NAV2: variants seen among roughly 807,000 people sequenced by gnomAD.
The protein encoded by NAV2 is neuron navigator 2, also known as helicase, APC down-regulated 1.
In NAV2, 54 loss-of-function variants were observed where a neutral mutation model predicts 223.2. The ratio of observed to expected loss-of-function variants is 0.24; its 90% CI spans 0.19 to 0.30. NAV2 has a LOEUF of 0.30. Among genes scored for constraint, NAV2 ranks in the 10% least tolerant of loss-of-function variants. The pLI, the probability that NAV2 is intolerant of heterozygous loss-of-function variation, is 1.00. For synonymous variants in NAV2, 1,279 were observed against 1,239.3 expected, an observed-to-expected ratio of 1.03 and a Z score of -0.67; for missense variants, 2,806 against 3,147.5, an observed-to-expected ratio of 0.89 and a Z score of 2.60.
At chr11:19,548,221 G>A (rs1310333868) in intron 1 of NAV2, among the ~76,000 whole-genome samples, 1 of 152,122 alleles carries the variant, frequency 6.6e-6, no homozygotes, top group African/African-American at 2.4e-5. Flanking sequence ...TTAAAGAAAG[G>A]GCATAACAAT....
At chr11:19,872,596 A>T (rs1003125165) in intron 4 of NAV2, among the ~76,000 whole-genome samples, 2 of 152,270 alleles carry the variant, frequency 1.3e-5, no homozygotes, top group African/African-American at 4.8e-5. Flanking sequence ...TGATGAAGAA[A>T]ACATCAGCAG....
At chr11:19,656,461 G>C (rs568276777) in intron 1 of NAV2, among the ~76,000 whole-genome samples, 65 of 152,210 alleles carry the variant, frequency 4.3e-4, no homozygotes, top group African/African-American at 1.5e-3. Context: ...CGTGAGTGAG[G>C]GGGGAGAGGC....
At chr11:20,053,218 G>GAAAAAAAAAAA (rs60421659) in intron 17 of NAV2, among the ~76,000 whole-genome samples, 1 of 40,974 alleles carries the variant, frequency 2.4e-5, no homozygotes, top group Non-Finnish European at 4.1e-5. Context: ...ACTACGTCTC[G>GAAAAAAAAAAA]AAAAAAAAAA....
In NAV2 at chr11:19,998,712, T is replaced by A. The variant is rs2896591; in HGVS notation, c.2768+14465T>A. Among the ~76,000 whole-genome samples, 11 of 151,088 alleles carry A rather than the reference T, an allele frequency of 7.3e-5. No individual in the cohort carries two copies. Among genetic ancestry groups the A allele is most frequent in the Admixed American group, 4.0e-4 (6 of 15,158 alleles). On this transcript the variant is annotated intron_variant, in intron 11 of 37. Transcript: ENST00000349880. This position sits in a 1 kb window ranked among gnomAD's most constrained non-coding sequence, Gnocchi z 5.0. ...TCTGCATAGACTGTGCTTCCCCCCC[T>A]CTCTCCTTTTCTCCTTATAAGCCTG...
At chr11:19,649,372 C>G (rs1038990446) in intron 1 of NAV2, among the ~76,000 whole-genome samples, 3 of 152,150 alleles carry the variant, frequency 2.0e-5, no homozygotes, top group African/African-American at 7.2e-5. Context: ...TTATAAAGAA[C>G]ACTGTCCTGG....
intron 1 of NAV2, among the ~76,000 whole-genome samples, chr11:19,406,761 A>G (rs928269451): frequency 3.9e-5 from 6 of 152,172 alleles, no homozygotes; most frequent in African/African-American, 1.4e-4. Flanking sequence ...GGGTCTGCTT[A>G]GTTCCCGGCC....
At chr11:19,935,799 A>G (rs1304103629) in intron 7 of NAV2, among the ~76,000 whole-genome samples, 1 of 149,138 alleles carries the variant, frequency 6.7e-6, no homozygotes, top group Non-Finnish European at 1.5e-5. Context: ...ACCAGGGCTT[A>G]GATAATGACT....
In NAV2 at chr11:19,535,048, C is replaced by G. The variant is rs535573392; in HGVS notation, c.75+184021C>G. Among the ~76,000 whole-genome samples the G allele has an allele frequency of 3.3e-5, 5 of 152,180 alleles. No individual in the cohort carries two copies. In the South Asian group the frequency reaches 6.2e-4, roughly 19 times the overall value. ...AGTGCTTAATAAATCATTGCTATTC[C>G]TGTTGATGTGGTTAACAAGGAGCCA... On this transcript the variant is annotated intron_variant, in intron 1 of 37. Coordinates refer to the NAV2 transcript ENST00000360655.
chr11:19,567,396 T>C (rs962897634), intron 1 of NAV2, among the ~76,000 whole-genome samples: 7 of 152,226 alleles, frequency 4.6e-5, no homozygotes, highest in African/African-American at 1.7e-4. Flanking sequence ...TTTGGACCAA[T>C]GTATATGGTT....
intron 36 of NAV2, among the ~76,000 whole-genome samples, chr11:20,113,774 C>G (rs1039080274): frequency 1.3e-5 from 2 of 152,046 alleles, no homozygotes; most frequent in Non-Finnish European, 2.9e-5. Flanking sequence ...TTTGGGAGAC[C>G]AAGGCACGAG....
At chr11:20,105,204 T>C in intron 34 of NAV2, 1 of 217,758 alleles carries the variant, frequency 4.6e-6, no homozygotes, top group South Asian at 9.6e-5. Context: ...GGTTAGAGCC[T>C]AGCCTCTGGA....
In NAV2 at chr11:19,510,247, T is replaced by A. The variant is rs149572308; in HGVS notation, c.75+159220T>A. ...CTCTCTGTTCTAAGCACATTAAGTG[T>A]GTGAAGTCATTAACCCTCACAGTTA... On this transcript the variant is annotated intron_variant, in intron 1 of 37. Transcript: ENST00000360655. 2.6e-5 allele frequency among the ~76,000 whole-genome samples: 4 copies of A among 152,294 alleles called. No homozygotes were observed. The East Asian group carries it at 7.7e-4, about 29-fold the overall frequency.
chr11:19,884,350 A>G, intron 5 of NAV2: 1 of 1,613,754 alleles, frequency 6.2e-7, no homozygotes, highest in South Asian at 1.1e-5. Context: ...CTGGGTCAGA[A>G]AAAGATCTCT....
intron 1 of NAV2, among the ~76,000 whole-genome samples, chr11:19,622,434 G>T (rs1025036765): frequency 1.3e-5 from 2 of 152,268 alleles, no homozygotes; most frequent in Admixed American, 6.5e-5. Flanking sequence ...ATGAATCTGG[G>T]TGCTCCTGTA....
At chr11:19,920,336 G>A (rs1375125070) in intron 6 of NAV2, among the ~76,000 whole-genome samples, 1 of 152,160 alleles carries the variant, frequency 6.6e-6, no homozygotes, top group Non-Finnish European at 1.5e-5. Context: ...CACCCAGACT[G>A]GACTGCAGTG....
chr11:19,610,949 C>T (rs1247222709), intron 1 of NAV2, among the ~76,000 whole-genome samples: 1 of 150,964 alleles, frequency 6.6e-6, no homozygotes, highest in Non-Finnish European at 1.5e-5. Flanking sequence ...CAGCCCCTTC[C>T]TGGGTGAGAG....
intron 1 of NAV2, among the ~76,000 whole-genome samples, chr11:19,805,383 G>C (rs7930873): frequency 0.95 from 145,378 of 152,288 alleles, 69,787 homozygotes; most frequent in East Asian, 1. Flanking sequence ...CCAGCCTCAC[G>C]TCTCAGTCCT....
At chr11:19,454,133 C>T (rs779731966) in intron 1 of NAV2, among the ~76,000 whole-genome samples, 3 of 152,144 alleles carry the variant, frequency 2.0e-5, no homozygotes, top group Non-Finnish European at 4.4e-5. Flanking sequence ...TGATTCAGAG[C>T]ACTGAGAGGT....
At chr11:20,051,570 T>G (rs2058011764) in intron 17 of NAV2, among the ~76,000 whole-genome samples, 1 of 152,204 alleles carries the variant, frequency 6.6e-6, no homozygotes, top group Non-Finnish European at 1.5e-5. Context: ...TAAAACCATC[T>G]CATGAAAAAC....
Sources: allele counts gnomAD v4.1 joint callset (sites outside exome capture counted in the v4.1 genomes callset), GRCh38; gene constraint gnomAD v4.1.1; non-coding constraint Gnocchi (gnomAD v3.1); transcripts MANE v1.5; gene names NCBI Gene and HGNC (gene_info 2026-07-23, HGNC 2026-07-21).